NELL2: variants seen among roughly 807,000 people sequenced by gnomAD.
NELL2 encodes the protein protein kinase C-binding protein NELL2.
NELL2 carries 41 observed loss-of-function variants against 109.6 expected under a neutral mutation model. That is an observed-to-expected ratio of 0.37 (90% CI 0.29 to 0.49). The LOEUF is 0.49. Among genes scored for constraint, NELL2 ranks in the 20% least tolerant of loss-of-function variants. NELL2 has a pLI of 0.98. For missense variants in NELL2, 900 were observed against 1,008.3 expected, an observed-to-expected ratio of 0.89 and a Z score of 1.45; for synonymous variants, 355 against 344.7, an observed-to-expected ratio of 1.03 and a Z score of -0.33.
At chr12:44,518,519 A>T (rs1424777691) in intron 19 of NELL2, among the ~76,000 whole-genome samples, 2 of 152,144 alleles carry the variant, frequency 1.3e-5, no homozygotes, top group African/African-American at 4.8e-5. Context: ...TGCTGGGATT[A>T]CAGGCGTGAG....
chr12:44,640,586 T>C (rs1946818180), intron 13 of NELL2, among the ~76,000 whole-genome samples: 1 of 152,200 alleles, frequency 6.6e-6, no homozygotes. Flanking sequence ...TATGCTGACA[T>C]TGCACTGCTT....
chr12:44,908,264 T>G (rs1291470981), intron 1 of NELL2, among the ~76,000 whole-genome samples: 2 of 152,040 alleles, frequency 1.3e-5, no homozygotes, highest in Non-Finnish European at 2.9e-5. Flanking sequence ...TTAACCAATC[T>G]TATGATTTCA....
intron 15 of NELL2, among the ~76,000 whole-genome samples, chr12:44,587,602 A>C (rs144053316): frequency 9.6e-4 from 146 of 152,246 alleles, no homozygotes; most frequent in African/African-American, 3.2e-3. Flanking sequence ...GGAGTCAAAT[A>C]GTCCAACTAT....
At chr12:44,811,240 C>G (rs531216193) in intron 3 of NELL2, among the ~76,000 whole-genome samples, 12 of 148,324 alleles carry the variant, frequency 8.1e-5, no homozygotes, top group African/African-American at 3.0e-4. Context: ...GGCTTAAAAC[C>G]TAGATGACAG....
intron 9 of NELL2, among the ~76,000 whole-genome samples, chr12:44,748,103 G>A (rs1276353716): frequency 6.6e-6 from 1 of 152,142 alleles, no homozygotes; most frequent in African/African-American, 2.4e-5. Flanking sequence ...TGTGGACAGA[G>A]TAAATTAGCT....
chr12:44,644,604 GTA>G (rs1555190872), intron 13 of NELL2, among the ~76,000 whole-genome samples: 8 of 81,266 alleles, frequency 9.8e-5, no homozygotes, highest in African/African-American at 4.5e-4. Context: ...ATATATATAT[GTA>G]TGTATATATA....
chr12:44,706,054 T>A (rs1458427873), intron 11 of NELL2, among the ~76,000 whole-genome samples: 37 of 152,190 alleles, frequency 2.4e-4, no homozygotes, highest in Non-Finnish European at 1.9e-4. Context: ...GCATTAAACA[T>A]CTTGCACACA....
intron 2 of NELL2, among the ~76,000 whole-genome samples, chr12:44,853,837 T>A (rs980205225): frequency 1.3e-5 from 2 of 152,158 alleles, no homozygotes; most frequent in African/African-American, 2.4e-5. Flanking sequence ...GAAGAATACA[T>A]CAGTGAAGGA....
At chr12:44,652,284 T>TA (rs1307028399) in intron 13 of NELL2, among the ~76,000 whole-genome samples, 1 of 152,110 alleles carries the variant, frequency 6.6e-6, no homozygotes, top group Non-Finnish European at 1.5e-5. Flanking sequence ...CAGAATCTCC[T>TA]AAAAAAAGAG....
intron 13 of NELL2, among the ~76,000 whole-genome samples, chr12:44,630,503 C>T (rs1946416026): frequency 6.6e-6 from 1 of 152,096 alleles, no homozygotes; most frequent in African/African-American, 2.4e-5. Flanking sequence ...AAACATGTTA[C>T]CCCTTAACTG....
intron 11 of NELL2, among the ~76,000 whole-genome samples, chr12:44,709,693 T>C (rs1048969390): frequency 1.5e-4 from 23 of 152,176 alleles, no homozygotes; most frequent in Admixed American, 1.3e-4. Flanking sequence ...TTTGTAGAAA[T>C]TCAGATTCTT....
intron 12 of NELL2, among the ~76,000 whole-genome samples, chr12:44,683,861 G>T (rs1189299103): frequency 6.6e-6 from 1 of 152,192 alleles, no homozygotes; most frequent in Non-Finnish European, 1.5e-5. Context: ...TGTTCATTAA[G>T]GATATTGGTG....
chr12:44,877,929 T>C (rs1945366332), upstream of NELL2, among the ~76,000 whole-genome samples: 1 of 152,196 alleles, frequency 6.6e-6, no homozygotes, highest in Admixed American at 6.5e-5. Flanking sequence ...AAATTAATCA[T>C]CAGAGAATTA....
At chr12:44,876,714 A>C, upstream of NELL2, 1 of 1,547,962 alleles carries the variant, frequency 6.5e-7, no homozygotes, top group Non-Finnish European at 8.7e-7. Context: ...TAAGCAAAGG[A>C]GGGAAGCCCA....
intron 12 of NELL2, among the ~76,000 whole-genome samples, chr12:44,670,818 G>A (rs1948113938): frequency 6.6e-6 from 1 of 152,054 alleles, no homozygotes; most frequent in Non-Finnish European, 1.5e-5. Context: ...TACTATTATA[G>A]CTAAAGAGAG....
chr12:44,774,989 T>C (rs1374862792), intron 8 of NELL2, 140 bp from the exon 9 acceptor site: 6 of 621,904 alleles, frequency 9.6e-6, no homozygotes, highest in South Asian at 2.1e-5. Context: ...GGGGAGGCGG[T>C]GCTGACAATC....
At chr12:44,747,644 T>C (rs1247211628) in intron 9 of NELL2, among the ~76,000 whole-genome samples, 2 of 152,086 alleles carry the variant, frequency 1.3e-5, no homozygotes, top group Non-Finnish European at 2.9e-5. Flanking sequence ...CCACACTGTT[T>C]AACGGTCAAC....
In NELL2 at chr12:44,525,738, C is replaced by T. The variant is rs75621869; in HGVS notation, c.1805-2254G>A. On this transcript the variant is annotated intron_variant, in intron 16 of 19. Transcript: ENST00000429094. ...TGTTGCTAAATCCATTTGTCAGTGT[C>T]AGCTGTCATGTAACTTGGTCTAGCA... is the stretch of plus-strand genomic sequence containing the variant. 2.3e-3 allele frequency among the ~76,000 whole-genome samples: 348 copies of T among 152,328 alleles called. 11 individuals are homozygous for T. In the East Asian group the frequency reaches 0.041, roughly 18 times the overall value.
chr12:44,882,829 T>TA (rs1945430007), intron 1 of NELL2, among the ~76,000 whole-genome samples: 2 of 139,640 alleles, frequency 1.4e-5, no homozygotes, highest in Admixed American at 1.5e-4. Flanking sequence ...TGCCTGGCTA[T>TA]ATACCTTTTT....
Sources: gnomAD v4.1 joint callset for allele counts (sites outside exome capture counted in the v4.1 genomes callset) on GRCh38, gnomAD v4.1.1 for gene constraint, MANE v1.5 for transcripts, NCBI Gene and HGNC (gene_info 2026-07-23, HGNC 2026-07-21) for gene names.